Variants in UBAC2 observed in about 807,000 individuals in gnomAD.
UBAC2 encodes UBA domain containing 2.
Under a neutral mutation model 44.0 loss-of-function variants are expected in UBAC2, and 26 were observed. The ratio of observed to expected loss-of-function variants is 0.59; its 90% CI spans 0.43 to 0.82. The LOEUF (loss-of-function observed/expected upper bound fraction) is 0.82. Among genes scored for constraint, UBAC2 ranks in the 40% least tolerant of loss-of-function variants. The probability of loss-of-function intolerance (pLI) is 0.00; values close to 1 mark genes in which losing one functional copy is unlikely to be tolerated. For synonymous variants in UBAC2, 155 were observed against 154.3 expected, an observed-to-expected ratio of 1.00 and a Z score of -0.04; for missense variants, 329 against 419.4, an observed-to-expected ratio of 0.78 and a Z score of 1.88.
rs2043384736 is a variant in UBAC2 at position 99,246,468 on chromosome 13, CT to C, written c.389+1849del. Among the ~76,000 whole-genome samples, 3 of 151,940 alleles carry C rather than the reference CT, an allele frequency of 2.0e-5. No individual in the cohort carries two copies. In the South Asian group the frequency reaches 6.2e-4, roughly 32 times the overall value. ...CAAAACATCTCCTATCAGGCCAGTT[CT>C]TTTTGGTTCCTGTATAGCCTACTGA... is the stretch of plus-strand genomic sequence containing the variant. On this transcript the variant is annotated intron_variant, in intron 4 of 8. Coordinates refer to ENST00000403766, the MANE Select transcript of UBAC2 (RefSeq NM_001144072.2).
intron 1 of UBAC2, chr13:99,215,445 A>G (rs62620186): frequency 0.013 from 17,242 of 1,367,748 alleles, 152 homozygotes; most frequent in Non-Finnish European, 0.016. Context: ...ACCACCAGCA[A>G]TTGTAGCCTT....
intron 4 of UBAC2, among the ~76,000 whole-genome samples, chr13:99,264,702 G>A (rs567317887): frequency 6.6e-6 from 1 of 152,274 alleles, no homozygotes; most frequent in South Asian, 2.1e-4. Context: ...TGATTTGAAG[G>A]CATTCCTCTC....
intron 1 of UBAC2, among the ~76,000 whole-genome samples, chr13:99,232,962 G>A (rs2043192613): frequency 6.6e-6 from 1 of 151,956 alleles, no homozygotes; most frequent in African/African-American, 2.4e-5. Flanking sequence ...AAGAAAAATA[G>A]CACTGTAGTG....
rs1336616661 is a variant in UBAC2, at chr13:99,230,683, A to G, written c.32-7744A>G. Among the ~76,000 whole-genome samples the G allele has an allele frequency of 2.0e-5, 3 of 152,168 alleles. No individual in the cohort carries two copies. The East Asian group carries it at 5.8e-4, about 29-fold the overall frequency. On this transcript the variant is annotated intron_variant, in intron 1 of 8. Transcript: ENST00000403766. ...TGACCCAATTTTATCTTCGAAGCCA[A>G]GGGTGACTGGTGGACTCTTTCTTAC... is the stretch of plus-strand genomic sequence containing the variant.
chr13:99,347,314 C>T (rs1357638287), intron 7 of UBAC2, among the ~76,000 whole-genome samples: 3 of 65,712 alleles, frequency 4.6e-5, no homozygotes, highest in Admixed American at 1.2e-4. Context: ...TTACTATCCC[C>T]GGGCGCCCCC....
intron 1 of UBAC2, among the ~76,000 whole-genome samples, chr13:99,234,998 A>G (rs954040053): frequency 6.6e-6 from 1 of 152,214 alleles, no homozygotes; most frequent in Non-Finnish European, 1.5e-5. Context: ...CCTCAGTAGT[A>G]TAATTCTGTC....
chr13:99,295,735 T>C lies in UBAC2; in HGVS notation c.390-18362T>C, dbSNP rs530898155. The C allele has an allele frequency of 3.0e-4, 478 of 1,614,088 alleles. 5 individuals carry two copies. In the South Asian group the frequency reaches 5.0e-3, roughly 17 times the overall value. ...CAATCCTTTTTATCTTGTTGTAGCG[T>C]AGAGGGTGCACCACAGCAATGAAGC... On this transcript the variant is annotated intron_variant, in intron 4 of 8. Coordinates refer to ENST00000403766, the MANE Select transcript of UBAC2 (RefSeq NM_001144072.2). This position sits in a 1 kb window ranked among gnomAD's most constrained non-coding sequence, Gnocchi z 4.1.
intron 7 of UBAC2, among the ~76,000 whole-genome samples, chr13:99,341,023 T>TAA (rs3031415): frequency 0.18 from 26,616 of 151,628 alleles, 2,514 homozygotes; most frequent in Middle Eastern, 0.23. Flanking sequence ...AAGGAGTAGA[T>TAA]AAAAAAAAAT....
Position 99,244,547 on chromosome 13 carries a change from C to T in UBAC2, c.312C>T (p.Ala104=), listed in dbSNP as rs747505430. 1.2e-6 allele frequency: 2 copies of T among 1,613,220 alleles called. No homozygotes were observed. Among genetic ancestry groups the T allele is most frequent in the South Asian group, 1.1e-5 (1 of 91,052 alleles). ...SFLLGSWVLS[A]LFDFLLIEAM... ...TGCTGGGTTCCTGGGTTTTGTCAGC[C>T]TTATTTGACTTTCTCCTCATTGAAG... Residue 104 remains alanine (A), a synonymous_variant, in exon 4 of 9, where the codon GCC becomes GCT. Coordinates refer to ENST00000403766, the MANE Select transcript of UBAC2 (RefSeq NM_001144072.2).
At chr13:99,227,972 G>T (rs1039162979) in intron 1 of UBAC2, among the ~76,000 whole-genome samples, 1 of 152,230 alleles carries the variant, frequency 6.6e-6, no homozygotes, top group Non-Finnish European at 1.5e-5. Flanking sequence ...GGAAATGCTG[G>T]TCAGTGGAGA....
At chr13:99,336,879 C>G (rs1171202569) in intron 6 of UBAC2, among the ~76,000 whole-genome samples, 1 of 152,054 alleles carries the variant, frequency 6.6e-6, no homozygotes, top group Non-Finnish European at 1.5e-5. Flanking sequence ...CAGACCATGC[C>G]TGGCCAGCCC....
At chr13:99,220,797 GCA>G (rs1427455387) in intron 1 of UBAC2, among the ~76,000 whole-genome samples, 1 of 151,946 alleles carries the variant, frequency 6.6e-6, no homozygotes, top group Non-Finnish European at 1.5e-5. Context: ...CCATCTCAGT[GCA>G]TAAGGATTCA....
At chr13:99,261,935 A>T (rs1450337368) in intron 4 of UBAC2, among the ~76,000 whole-genome samples, 1 of 152,206 alleles carries the variant, frequency 6.6e-6, no homozygotes, top group Non-Finnish European at 1.5e-5. Flanking sequence ...AGTTACCTTC[A>T]GTCAAATATG....
rs753616430 is a variant in UBAC2 at position 99,295,438 on chromosome 13, A to G, written c.390-18659A>G. The G allele has an allele frequency of 6.2e-7, 1 of 1,614,150 alleles. No homozygotes were observed. The highest frequency in any genetic ancestry group is 8.5e-7 in the Non-Finnish European group (1 of 1,180,024). On this transcript the variant is annotated intron_variant, in intron 4 of 8. Transcript: ENST00000403766. This position sits in a 1 kb window ranked among gnomAD's most constrained non-coding sequence, Gnocchi z 4.1. ...TGTTGAGAGCCTTTTTGTTTACACC[A>G]GATTTCTCAGTGAGTGGGTTTTGTT...
chr13:99,240,776 G>A (rs1186981791), intron 2 of UBAC2, among the ~76,000 whole-genome samples: 1 of 152,174 alleles, frequency 6.6e-6, no homozygotes, highest in East Asian at 1.9e-4. Context: ...GGGCTGGCAG[G>A]TGAGGTGAAC....
Position 99,295,608 on chromosome 13 carries a change from T to A in UBAC2, c.390-18489T>A. 1 of 1,614,148 alleles carries A rather than the reference T, an allele frequency of 6.2e-7. No homozygotes were observed. Among genetic ancestry groups the A allele is most frequent in the Non-Finnish European group, 8.5e-7 (1 of 1,180,020 alleles). On this transcript the variant is annotated intron_variant, in intron 4 of 8. Coordinates refer to ENST00000403766, the MANE Select transcript of UBAC2 (RefSeq NM_001144072.2). The surrounding 1 kb of genome is among the most constrained non-coding windows in gnomAD (Gnocchi z 4.1). ...TCAAAGTTTGGATACTCCATGCATG[T>A]AATCCTTTCAGCCTCCTGCTTTGAC...
chr13:99,217,118 A>T (rs2043005624), intron 1 of UBAC2, among the ~76,000 whole-genome samples: 2 of 152,196 alleles, frequency 1.3e-5, no homozygotes, highest in African/African-American at 4.8e-5. Flanking sequence ...GGCGTGAGCC[A>T]CGGCGCCTGG....
chr13:99,352,889 C>G (rs1231234991), intron 7 of UBAC2, among the ~76,000 whole-genome samples: 1 of 152,212 alleles, frequency 6.6e-6, no homozygotes, highest in South Asian at 2.1e-4. Flanking sequence ...GTCTCCACCC[C>G]TGTGTCCGGG....
chr13:99,367,776 T>C lies in UBAC2; in HGVS notation c.808-11T>C, dbSNP rs75930770. 4 of 1,613,990 alleles carry C rather than the reference T, an allele frequency of 2.5e-6. No homozygotes were observed. In the East Asian group the frequency reaches 8.9e-5, roughly 36 times the overall value. On this transcript the variant is annotated splice_polypyrimidine_tract_variant and intron_variant, in intron 7 of 8. Transcript: ENST00000403766. ...TCTGTGTCTGATAACTGTGTGTTGA[T>C]CTCTTTTTAGGGAGGAATGATCAAT...
Sources: gnomAD v4.1 joint callset for allele counts (sites outside exome capture counted in the v4.1 genomes callset) on GRCh38, gnomAD v4.1.1 for gene constraint, Gnocchi (gnomAD v3.1) non-coding constraint, MANE v1.5 for transcripts, NCBI Gene and HGNC (gene_info 2026-07-23, HGNC 2026-07-21) for gene names.